ZFC3H1: variants seen among roughly 807,000 people sequenced by gnomAD.
The protein encoded by ZFC3H1 is zinc finger C3H1-type containing.
ZFC3H1 carries 71 observed loss-of-function variants against 243.7 expected under a neutral mutation model. The observed-to-expected ratio is 0.29, with a 90% CI of 0.24 to 0.36. ZFC3H1 has a LOEUF of 0.36. ZFC3H1 is among the 10% of genes least tolerant of loss of function. ZFC3H1 has a pLI of 1.00. For synonymous variants in ZFC3H1, 838 were observed against 813.0 expected (o/e 1.03, Z -0.52); for missense variants, 1,966 against 2,317.1 (o/e 0.85, Z 3.11).
rs1370790804 is a variant in ZFC3H1 at position 71,636,591 on chromosome 12, T to G, written c.1999A>C (p.Arg667=). 2 of 1,614,004 alleles carry G rather than the reference T, an allele frequency of 1.2e-6. No homozygotes were observed. Among genetic ancestry groups the G allele is most frequent in the South Asian group, 2.2e-5 (2 of 91,070 alleles). ...PVLNNSHPVP[R]SNLSIVSINT... is the part of the protein sequence containing the mutation. ...ATACTGACTATTGATAGATTGCTTC[T>G]TGGCACAGGATGTGAATTGTTCAGA... The change falls in exon 9 of 35, where the codon AGA becomes CGA. Residue 667 remains arginine (R), a synonymous_variant. Coordinates refer to ENST00000378743, the MANE Select transcript of ZFC3H1 (RefSeq NM_144982.5).
Position 71,629,694 on chromosome 12 carries a change from T to C in ZFC3H1, c.3741A>G (p.Lys1247=), listed in dbSNP as rs1880272147. ...ITASAEKYVE[K]LFGVNKDRMS... ...TTCGATCTTTGTTTACTCCAAAAAG[T>C]TTCTCAACATATTTTTCTGAAATAA... is the stretch of plus-strand genomic sequence containing the variant. The change falls in exon 19 of 35, where the codon AAA becomes AAG. Residue 1247 remains lysine (K), a synonymous_variant. Coordinates refer to ENST00000378743, the MANE Select transcript of ZFC3H1 (RefSeq NM_144982.5). The C allele has an allele frequency of 6.2e-7, 1 of 1,611,710 alleles. No individual in the cohort carries two copies. Among genetic ancestry groups the C allele is most frequent in the Non-Finnish European group, 8.5e-7 (1 of 1,178,696 alleles).
At chr12:71,638,976 C>T (rs1217700378) in intron 6 of ZFC3H1, among the ~76,000 whole-genome samples, 1 of 152,014 alleles carries the variant, frequency 6.6e-6, no homozygotes, top group Non-Finnish European at 1.5e-5. Flanking sequence ...AGGACATGGA[C>T]CATATAAGCT....
chr12:71,617,373 A>AC (rs1452535191), intron 27 of ZFC3H1, among the ~76,000 whole-genome samples: 1 of 152,190 alleles, frequency 6.6e-6, no homozygotes, highest in African/African-American at 2.4e-5. Context: ...TAAACAGGAT[A>AC]CCTTTTTCTC....
In ZFC3H1 at chr12:71,644,097, T is replaced by C. The variant is rs764888025; in HGVS notation, c.1501A>G (p.Lys501Glu). 12 of 1,609,508 alleles carry C rather than the reference T, an allele frequency of 7.5e-6. No homozygotes were observed. The South Asian group carries it at 1.3e-4, about 18-fold the overall frequency. ...LVGGKRRSRS[K>E]SSDPDLRRSL... ...TTTTATATTTTTGCATTTCTTACTT[T>C]ACTTCTTGATCTCCTCTTGCCACCA... The change falls in exon 5 of 35, where the codon AAA (lysine) becomes GAA (glutamate). Residue 501 changes from lysine to glutamate, a missense_variant and splice_region_variant. Transcript: ENST00000378743.
intron 31 of ZFC3H1, 67 bp downstream of exon 31, chr12:71,613,268 G>T: frequency 8.6e-7 from 1 of 1,161,502 alleles, no homozygotes; most frequent in Non-Finnish European, 1.2e-6. Context: ...AAGTTTTCAA[G>T]AATAATCTTA....
rs762845239 is a variant in ZFC3H1, at chr12:71,630,847, G to A, written c.3578C>T (p.Thr1193Ile). ...CCATTGACAATCATCATCATTACAT[G>A]TTCCTGTTAAATCAAAACGGCAGAA... ...QCFCRFDLTG[T>I]CNDDDCQWQH... The change falls in exon 17 of 35, where the codon ACA (threonine) becomes ATA (isoleucine). Residue 1193 changes from threonine to isoleucine, a missense_variant. Coordinates refer to ENST00000378743, the MANE Select transcript of ZFC3H1 (RefSeq NM_144982.5). 6.2e-7 allele frequency: 1 copy of A among 1,613,166 alleles called. No homozygotes were observed. Among genetic ancestry groups the A allele is most frequent in the Non-Finnish European group, 8.5e-7 (1 of 1,179,526 alleles).
intron 26 of ZFC3H1, 125 bp from the exon 27 acceptor site, chr12:71,619,534 G>A (rs1725405443): frequency 1.2e-5 from 10 of 813,434 alleles, no homozygotes; most frequent in South Asian, 3.9e-5. Context: ...GGTAAGGGGC[G>A]GAGGGGATAA....
chr12:71,631,760 T>G lies in ZFC3H1; in HGVS notation c.3470+18A>C. 6.4e-7 allele frequency: 1 copy of G among 1,553,480 alleles called. No homozygotes were observed. The highest frequency in any genetic ancestry group is 8.7e-7 in the Non-Finnish European group (1 of 1,151,150). ...CAGAAATCCTGAAATTCAAGCTTATTGAATCTTTCTTTTATACCTGTAGGA... is the reference window on the plus strand; with the variant it reads ...CAGAAATCCTGAAATTCAAGCTTATGGAATCTTTCTTTTATACCTGTAGGA... On this transcript the variant is annotated intron_variant, in intron 16 of 34. Coordinates refer to ENST00000378743, the MANE Select transcript of ZFC3H1 (RefSeq NM_144982.5).
chr12:71,637,000 T>C lies in ZFC3H1; in HGVS notation c.1785A>G (p.Leu595=). ...GAGGTGGTAATGGTGGTAGAGGAGG[T>C]AGAGGTTCAAGAGAAACACACAAGC... The part of the protein sequence containing the change: ...VEGLCVSLEP[L]PPLPPLPPLP... The change falls in exon 8 of 35, where the codon CTA becomes CTG. Residue 595 remains leucine, a synonymous_variant. Coordinates refer to ENST00000378743, the MANE Select transcript of ZFC3H1 (RefSeq NM_144982.5). 1 of 1,613,868 alleles carries C rather than the reference T, an allele frequency of 6.2e-7. No homozygotes were observed. Among genetic ancestry groups the C allele is most frequent in the South Asian group, 1.1e-5 (1 of 91,064 alleles).
chr12:71,615,569 T>C (rs1237705980), intron 27 of ZFC3H1, among the ~76,000 whole-genome samples: 3 of 152,132 alleles, frequency 2.0e-5, no homozygotes, highest in Non-Finnish European at 4.4e-5. Context: ...CAGGCTGGAG[T>C]GCAGTGGCAT....
intron 7 of ZFC3H1, 61 bp from the exon 8 acceptor site, chr12:71,637,120 T>C: frequency 2.2e-6 from 3 of 1,364,088 alleles, no homozygotes; most frequent in African/African-American, 1.5e-5. Context: ...TGCTTCTCTC[T>C]GCAGCAATAT....
At chr12:71,623,275 C>T (rs182639027) in intron 24 of ZFC3H1, 85 bp downstream of exon 24, 2 of 1,155,744 alleles carry the variant, frequency 1.7e-6, no homozygotes, top group South Asian at 3.5e-5. Context: ...CACTTAATTA[C>T]AGAGAATCAC....
intron 1 of ZFC3H1, among the ~76,000 whole-genome samples, chr12:71,659,281 T>C (rs1881102865): frequency 6.6e-6 from 1 of 152,204 alleles, no homozygotes; most frequent in Non-Finnish European, 1.5e-5. Context: ...AAATATAAGA[T>C]CATTCCCCTT....
chr12:71,656,817 C>A (rs1206068712), intron 2 of ZFC3H1, 68 bp downstream of exon 2: 1 of 1,469,474 alleles, frequency 6.8e-7, no homozygotes. Context: ...AAGTACACTG[C>A]CAAAACAAGT....
chr12:71,636,404 C>T (rs1880462357), intron 9 of ZFC3H1, 86 bp downstream of exon 9: 10 of 1,280,756 alleles, frequency 7.8e-6, no homozygotes, highest in South Asian at 3.6e-5. Context: ...ATAAATAAAC[C>T]AAGGGGTAGA....
intron 2 of ZFC3H1, among the ~76,000 whole-genome samples, chr12:71,648,499 C>T (rs1013027406): frequency 6.6e-6 from 1 of 152,048 alleles, no homozygotes; most frequent in African/African-American, 2.4e-5. Flanking sequence ...GTTAAAAACT[C>T]AGAAATCTTT....
rs749763426 is a variant in ZFC3H1, at chr12:71,632,334, C to G, written c.2998G>C (p.Val1000Leu). 1 of 1,613,820 alleles carries G rather than the reference C, an allele frequency of 6.2e-7. No individual in the cohort carries two copies. The highest frequency in any genetic ancestry group is 1.1e-5 in the South Asian group (1 of 91,068). Residue 1000 changes from valine to leucine, a missense_variant, in exon 15 of 35, where the codon GTT (valine) becomes CTT (leucine). This residue lies in a region of ZFC3H1 where 1,383 missense variants were observed against 1,723.7 expected (regional missense o/e 0.80). Transcript: ENST00000378743. ...KAKEQQNISP[V>L]VEEEPEFSLP... ...GAAAATTCGGGTTCCTCTTCCACAA[C>G]TGGAGAGATATTTTGTTGTTCCTTT... is the stretch of plus-strand genomic sequence containing the variant.
intron 2 of ZFC3H1, chr12:71,656,486 A>G (rs1881021749): frequency 4.7e-6 from 3 of 641,074 alleles, no homozygotes; most frequent in Admixed American, 5.9e-5. Context: ...CAGATTTTGT[A>G]AACTTCAACA....
At position 71,634,753 on chromosome 12, in the gene ZFC3H1, G is replaced by A. The variant is rs1313560616; in HGVS notation, c.2311C>T (p.Pro771Ser). ...CTATATTCAATCTTCTTTTCTTCAGGCAAAGCCTCCGGTGTTCGCAGAGGA... is the reference window on the plus strand; with the variant it reads ...CTATATTCAATCTTCTTTTCTTCAGACAAAGCCTCCGGTGTTCGCAGAGGA... ...NDPLRTPEAL[P>S]EEKKIEYRLL... The change falls in exon 11 of 35, where the codon CCT becomes TCT. Residue 771 changes from proline to serine, a missense_variant. By Grantham distance (74) the Pro-to-Ser change is moderately conservative. Transcript: ENST00000378743. 6.2e-7 allele frequency: 1 copy of A among 1,600,424 alleles called. No homozygotes were observed. The highest frequency in any genetic ancestry group is 2.3e-5 in the East Asian group (1 of 44,048).
Sources: allele counts gnomAD v4.1 joint callset (sites outside exome capture counted in the v4.1 genomes callset), GRCh38; gene constraint gnomAD v4.1.1; regional missense constraint gnomAD v4.1.1; transcripts MANE v1.5; gene names NCBI Gene and HGNC (gene_info 2026-07-23, HGNC 2026-07-21).